Variants in CUL2 observed in about 807,000 individuals in gnomAD.
The protein encoded by CUL2 is cullin 2, also known as cullin-2.
CUL2 carries 22 observed loss-of-function variants against 110.2 expected under a neutral mutation model. The observed-to-expected ratio is 0.20, with a 90% CI of 0.14 to 0.28. The LOEUF (loss-of-function observed/expected upper bound fraction) is 0.28. Among genes scored for constraint, CUL2 ranks in the 10% least tolerant of loss-of-function variants. CUL2 has a pLI of 1.00. For synonymous variants in CUL2, 279 were observed against 293.2 expected (o/e 0.95, Z 0.49); for missense variants, 631 against 905.5 (o/e 0.70, Z 3.89).
At chr10:35,096,984 A>T (rs1016150851) in intron 2 of CUL2, among the ~76,000 whole-genome samples, 2 of 151,494 alleles carry the variant, frequency 1.3e-5, no homozygotes, top group African/African-American at 4.9e-5. Context: ...TATTTTTTGT[A>T]TTTTTCGTAG....
intron 1 of CUL2, among the ~76,000 whole-genome samples, chr10:35,083,346 T>C (rs2086987106): frequency 6.6e-6 from 1 of 152,100 alleles, no homozygotes; most frequent in African/African-American, 2.4e-5. Context: ...GATAAAAAGA[T>C]ATAAACATAG....
intron 2 of CUL2, chr10:35,063,961 G>T (rs373496320): frequency 6.6e-6 from 1 of 152,086 alleles, no homozygotes; most frequent in Admixed American, 6.6e-5. Context: ...CATTTTGGAG[G>T]TAACAGCTCA....
chr10:35,028,990 C>A, intron 15 of CUL2, 103 bp from the exon 16 acceptor site: 1 of 693,958 alleles, frequency 1.4e-6, no homozygotes, highest in South Asian at 2.2e-5. Flanking sequence ...TTTTTTTCTT[C>A]CTCAAAATGT....
intron 10 of CUL2, 67 bp downstream of exon 10, chr10:35,035,105 G>A: frequency 6.4e-7 from 1 of 1,566,452 alleles, no homozygotes; most frequent in Non-Finnish European, 8.8e-7. Flanking sequence ...AAACAATAAA[G>A]TCAAAGGAAA....
intron 1 of CUL2, chr10:35,074,005 C>A: frequency 1.4e-6 from 1 of 706,298 alleles, no homozygotes; most frequent in Non-Finnish European, 2.6e-6. Context: ...GGATTCAGAC[C>A]CGTGCTGCGG....
At chr10:35,074,471 A>T in intron 1 of CUL2, 1 of 534,888 alleles carries the variant, frequency 1.9e-6, no homozygotes, top group Non-Finnish European at 3.4e-6. Context: ...ATTCCACCTA[A>T]CTCCCACTGA....
intron 2 of CUL2, chr10:35,063,702 G>A (rs1445688366): frequency 5.3e-5 from 8 of 150,976 alleles, no homozygotes; most frequent in African/African-American, 1.9e-4. Flanking sequence ...CCTTTCACTA[G>A]CCAGTGATCT....
intron 1 of CUL2, among the ~76,000 whole-genome samples, chr10:35,112,082 T>C (rs1243308609): frequency 6.6e-6 from 1 of 152,208 alleles, no homozygotes; most frequent in Non-Finnish European, 1.5e-5. Context: ...TATTTTCTGG[T>C]ACCTACTTTT....
intron 17 of CUL2, among the ~76,000 whole-genome samples, chr10:35,017,509 C>T (rs1463479039): frequency 6.6e-6 from 1 of 152,086 alleles, no homozygotes; most frequent in African/African-American, 2.4e-5. Context: ...GCCTGGTCAA[C>T]ATGGCGAAAC....
At chr10:35,074,579 C>T (rs1203384238) in intron 1 of CUL2, among the ~76,000 whole-genome samples, 2 of 152,158 alleles carry the variant, frequency 1.3e-5, no homozygotes, top group Admixed American at 1.3e-4. Flanking sequence ...CTCCACCTCC[C>T]ACGTTCAAGT....
intron 1 of CUL2, among the ~76,000 whole-genome samples, chr10:35,111,554 A>T (rs756375755): frequency 6.6e-6 from 1 of 152,190 alleles, no homozygotes; most frequent in Non-Finnish European, 1.5e-5. Context: ...CATTGCACCC[A>T]GCCAATAATT....
chr10:35,056,673 A>G (rs2086247686), intron 4 of CUL2, among the ~76,000 whole-genome samples: 1 of 152,188 alleles, frequency 6.6e-6, no homozygotes, highest in Non-Finnish European at 1.5e-5. Context: ...TCTGTGGTAC[A>G]ATATACAAAC....
intron 1 of CUL2, among the ~76,000 whole-genome samples, chr10:35,121,825 A>T (rs2135149531): frequency 6.6e-6 from 1 of 152,080 alleles, no homozygotes; most frequent in Non-Finnish European, 1.5e-5. Context: ...AAAAAAAAAA[A>T]ATAAAAATTA....
intron 17 of CUL2, among the ~76,000 whole-genome samples, chr10:35,023,070 G>A (rs2085243155): frequency 6.6e-6 from 1 of 152,068 alleles, no homozygotes; most frequent in South Asian, 2.1e-4. Context: ...GAAAATTGCT[G>A]TGACAGTAAT....
chr10:35,119,126 T>C (rs751927412), intron 1 of CUL2, among the ~76,000 whole-genome samples: 1 of 152,252 alleles, frequency 6.6e-6, no homozygotes, highest in Non-Finnish European at 1.5e-5. Context: ...TGGCTCACAT[T>C]TTCTTCACCT....
At chr10:35,094,511 A>G (rs959324817), upstream of CUL2, among the ~76,000 whole-genome samples, 5 of 152,206 alleles carry the variant, frequency 3.3e-5, no homozygotes, top group African/African-American at 1.2e-4. Flanking sequence ...CTGGGATTAC[A>G]GGCGGGAGCC....
At chr10:35,029,700 T>G in intron 14 of CUL2, 60 bp from the exon 15 acceptor site, 1 of 1,281,262 alleles carries the variant, frequency 7.8e-7, no homozygotes, top group South Asian at 1.4e-5. Flanking sequence ...TCATATTGGT[T>G]AATAATAATG....
intron 18 of CUL2, among the ~76,000 whole-genome samples, chr10:35,015,267 T>TAG (rs1467133465): frequency 6.8e-5 from 10 of 146,416 alleles, no homozygotes; most frequent in African/African-American, 1.3e-4. Context: ...CACTCCACCC[T>TAG]GGGCAACAAG....
At chr10:35,045,416 A>G (rs2085909976) in intron 6 of CUL2, among the ~76,000 whole-genome samples, 1 of 151,868 alleles carries the variant, frequency 6.6e-6, no homozygotes, top group Non-Finnish European at 1.5e-5. Flanking sequence ...GCGAGACCTC[A>G]TTCAAAAAAA....
Sources: gnomAD v4.1 joint callset for allele counts (sites outside exome capture counted in the v4.1 genomes callset) on GRCh38, gnomAD v4.1.1 for gene constraint, MANE v1.5 for transcripts, NCBI Gene and HGNC (gene_info 2026-07-23, HGNC 2026-07-21) for gene names.